TG: variants seen among roughly 807,000 people sequenced by gnomAD.
The protein encoded by TG is thyroid hormones.
In TG, 270 loss-of-function variants were observed where a neutral mutation model predicts 324.7. That is an observed-to-expected ratio of 0.83 (90% confidence interval 0.75 to 0.92). The LOEUF (loss-of-function observed/expected upper bound fraction) is 0.92. Among genes scored for constraint, TG ranks in the 40% least tolerant of loss-of-function variants. TG has a pLI of 0.00. For synonymous variants in TG, 1,401 were observed against 1,327.0 expected, an observed-to-expected ratio of 1.06 and a Z score of -1.21; for missense variants, 3,591 against 3,456.4, an observed-to-expected ratio of 1.04 and a Z score of -0.98.
At position 133,029,976 on chromosome 8, in the gene TG, A is replaced by T; in HGVS notation, c.7192A>T (p.Thr2398Ser). 6.2e-7 allele frequency: 1 copy of T among 1,613,810 alleles called. No individual in the cohort carries two copies. The highest frequency in any genetic ancestry group is 8.5e-7 in the Non-Finnish European group (1 of 1,179,744). ...GADVASIHLL[T>S]ARATNSQLFR... is the part of the protein sequence containing the mutation. ...TGATGTGGCCAGCATCCACCTTCTC[A>T]CGGCCAGGGCCACCAACTCCCAACT... is the stretch of plus-strand genomic sequence containing the variant. Residue 2398 changes from threonine (T) to serine (S), a missense_variant, in exon 41 of 48, where the codon ACG becomes TCG. Physicochemically the swap from Thr to Ser is moderately conservative, Grantham distance 58 (BLOSUM62 1). Coordinates refer to ENST00000220616, the MANE Select transcript of TG (RefSeq NM_003235.5).
chr8:132,935,674 C>A, intron 24 of TG, 82 bp from the exon 25 acceptor site: 5 of 1,283,846 alleles, frequency 3.9e-6, no homozygotes, highest in Non-Finnish European at 5.6e-6. Flanking sequence ...GGTGCCTAGC[C>A]ATGGTTAGGG....
chr8:132,913,721 T>G (rs1819872522), intron 20 of TG, among the ~76,000 whole-genome samples: 1 of 152,332 alleles, frequency 6.6e-6, no homozygotes, highest in South Asian at 2.1e-4. Flanking sequence ...TTGGGGGCCA[T>G]TTTTAATGGG....
At chr8:132,883,191 C>T in intron 8 of TG, 192 bp downstream of exon 8, 1 of 633,034 alleles carries the variant, frequency 1.6e-6, no homozygotes, top group South Asian at 2.0e-5. Context: ...TGTGTCAGAC[C>T]TCGTTGCATT....
chr8:133,011,838 C>T (rs767489501), intron 35 of TG, 63 bp from the exon 36 acceptor site: 70 of 1,611,162 alleles, frequency 4.3e-5, no homozygotes, highest in East Asian at 2.7e-4. Flanking sequence ...GGGTAATACA[C>T]GGCTGTCTTT....
intron 11 of TG, among the ~76,000 whole-genome samples, chr8:132,895,077 C>T (rs903534278): frequency 1.3e-5 from 2 of 152,246 alleles, no homozygotes; most frequent in Non-Finnish European, 1.5e-5. Flanking sequence ...CCTTGTTCTT[C>T]CTCCATAACC....
intron 27 of TG, among the ~76,000 whole-genome samples, chr8:132,957,744 C>CAT (rs1377696551): frequency 1.0e-4 from 10 of 96,712 alleles, no homozygotes; most frequent in African/African-American, 5.4e-4. Flanking sequence ...TGGTAAACTA[C>CAT]ACACACACAC....
rs142711048 is a variant in TG, at chr8:132,969,751, A to G, written c.5975+182A>G. Among the ~76,000 whole-genome samples, 1,351 of 152,160 alleles carry G rather than the reference A, an allele frequency of 8.9e-3. 25 individuals carry two copies. Among genetic ancestry groups the G allele is most frequent in the African/African-American group, 0.031 (1,282 of 41,506 alleles). ...CATGGTGAAGCCCCGTCTCTACTAA[A>G]AATACAAAAATTAGCTGGGCATGGT... On this transcript the variant is annotated intron_variant, in intron 32 of 47. Transcript: ENST00000220616.
chr8:132,965,367 C>T (rs556395441), intron 29 of TG, among the ~76,000 whole-genome samples: 2 of 152,182 alleles, frequency 1.3e-5, no homozygotes, highest in Non-Finnish European at 2.9e-5. Context: ...TGAAGAAGCT[C>T]AGTCTCCTTG....
At position 132,871,427 on chromosome 8, in the gene TG, T is replaced by A. The variant is rs938076855; in HGVS notation, c.354T>A (p.Pro118=). ...ACAGCACAGACACCTCCTACCTCCC[T>A]CAGTGTCAGGATTCAGGGGACTACG... ...YINSTDTSYL[P]QCQDSGDYAP... The change falls in exon 4 of 48, where the codon CCT becomes CCA. Residue 118 remains proline, a synonymous_variant. Transcript: ENST00000220616. 6.2e-7 allele frequency: 1 copy of A among 1,614,144 alleles called. No homozygotes were observed. The highest frequency in any genetic ancestry group is 8.5e-7 in the Non-Finnish European group (1 of 1,179,988).
At chr8:132,963,670 A>AGTGCGT (rs143171796) in intron 29 of TG, among the ~76,000 whole-genome samples, 7 of 145,188 alleles carry the variant, frequency 4.8e-5, no homozygotes, top group African/African-American at 1.8e-4. Flanking sequence ...TGTGGTCTGC[A>AGTGCGT]GTGTGTGTGT....
intron 35 of TG, 164 bp downstream of exon 35, chr8:132,983,576 C>A (rs1035763314): frequency 1.4e-4 from 99 of 711,048 alleles, no homozygotes; most frequent in Non-Finnish European, 2.1e-4. Context: ...TGAGTACCAG[C>A]AACATGCCCA....
intron 33 of TG, among the ~76,000 whole-genome samples, chr8:132,972,094 ACTTC>A (rs568752319): frequency 1.1e-4 from 16 of 151,756 alleles, no homozygotes; most frequent in Admixed American, 9.2e-4. Context: ...ACCTGGCCAA[ACTTC>A]CTTCCTTCTA....
chr8:132,897,742 A>C lies in TG; in HGVS notation c.3095A>C (p.Asp1032Ala). The change falls in exon 12 of 48, where the codon GAT (aspartate) becomes GCT (alanine). Residue 1032 changes from aspartate (D) to alanine (A), a missense_variant. Transcript: ENST00000220616. The part of the protein sequence containing the change: ...LRSGPYMPQC[D>A]AFGSWEPVQC... ...TCGGGCCCCTACATGCCACAGTGTG[A>C]TGCGTTTGGAAGTTGGGAGCCTGTG... The C allele has an allele frequency of 6.2e-7, 1 of 1,614,150 alleles. No homozygotes were observed. The highest frequency in any genetic ancestry group is 1.3e-5 in the African/African-American group (1 of 75,034).
chr8:132,870,924 A>G (rs1017328982), intron 3 of TG, among the ~76,000 whole-genome samples: 2 of 152,142 alleles, frequency 1.3e-5, no homozygotes, highest in Non-Finnish European at 2.9e-5. Context: ...CACATTGGGG[A>G]TCAGATTTCA....
At chr8:132,904,789 C>A (rs527286921) in intron 16 of TG, among the ~76,000 whole-genome samples, 1 of 152,264 alleles carries the variant, frequency 6.6e-6, no homozygotes, top group South Asian at 2.1e-4. Context: ...GCAGATCATT[C>A]CTGTGGGATA....
At chr8:133,106,860 A>T (rs1054948515) in intron 43 of TG, among the ~76,000 whole-genome samples, 3 of 152,166 alleles carry the variant, frequency 2.0e-5, no homozygotes, top group African/African-American at 7.2e-5. Flanking sequence ...ATGTGTCCCA[A>T]ATGCCTCGAG....
At chr8:133,119,667 T>C (rs940946677) in intron 45 of TG, among the ~76,000 whole-genome samples, 6 of 152,104 alleles carry the variant, frequency 3.9e-5, no homozygotes, top group Non-Finnish European at 8.8e-5. Flanking sequence ...ACAAACACAC[T>C]GGGGATTCCA....
At chr8:133,107,342 T>C (rs1300590262) in intron 43 of TG, among the ~76,000 whole-genome samples, 1 of 152,178 alleles carries the variant, frequency 6.6e-6, no homozygotes, top group East Asian at 1.9e-4. Context: ...GCTCTTACTT[T>C]TCATTAGGAT....
At chr8:133,039,887 G>A in intron 41 of TG, 1 of 1,473,578 alleles carries the variant, frequency 6.8e-7, no homozygotes, top group Non-Finnish European at 9.0e-7. Context: ...GCTGACTCTG[G>A]CCATGGTTTT....
Sources: gnomAD v4.1 joint callset for allele counts (sites outside exome capture counted in the v4.1 genomes callset) on GRCh38, gnomAD v4.1.1 for gene constraint, MANE v1.5 for transcripts, NCBI Gene and HGNC (gene_info 2026-07-23, HGNC 2026-07-21) for gene names.